Variants in RBFOX1 observed in about 807,000 individuals in gnomAD.
RBFOX1 encodes the protein RNA binding fox-1 homolog 1, also known as RNA binding protein fox-1 homolog 1.
RBFOX1 carries 8 observed loss-of-function variants against 57.7 expected under a neutral mutation model. The observed-to-expected ratio is 0.14, with a 90% CI of 0.08 to 0.25. The LOEUF (loss-of-function observed/expected upper bound fraction) is 0.25, where lower values mean the gene tolerates loss of function less well. Among genes scored for constraint, RBFOX1 ranks in the 10% least tolerant of loss-of-function variants. RBFOX1 has a pLI of 1.00. For synonymous variants in RBFOX1, 326 were observed against 222.4 expected (o/e 1.47, Z -4.15); for missense variants, 611 against 548.5 (o/e 1.11, Z -1.14).
intron 4 of RBFOX1, among the ~76,000 whole-genome samples, chr16:7,239,760 C>T (rs1400102606): frequency 6.6e-6 from 1 of 152,024 alleles, no homozygotes; most frequent in Non-Finnish European, 1.5e-5. Flanking sequence ...TTCTTTGAAT[C>T]AGCAGTAACT....
At chr16:6,209,916 A>C (rs554535379) in intron 1 of RBFOX1, among the ~76,000 whole-genome samples, 10 of 152,300 alleles carry the variant, frequency 6.6e-5, no homozygotes, top group African/African-American at 2.4e-4. Context: ...ATCTGCTGCT[A>C]TTATTGGTGA....
At chr16:7,148,625 C>G (rs765965298) in intron 4 of RBFOX1, among the ~76,000 whole-genome samples, 1 of 152,178 alleles carries the variant, frequency 6.6e-6, no homozygotes, top group Non-Finnish European at 1.5e-5. Context: ...TTCCCTTGTA[C>G]TTGTGATAAA....
chr16:7,622,898 C>A (rs2059528265), intron 10 of RBFOX1, among the ~76,000 whole-genome samples: 1 of 152,208 alleles, frequency 6.6e-6, no homozygotes, highest in Non-Finnish European at 1.5e-5. Context: ...TAGGGATTAA[C>A]TGTGAAAATA....
intron 4 of RBFOX1, among the ~76,000 whole-genome samples, chr16:7,055,192 G>C (rs533474391): frequency 2.6e-5 from 4 of 152,206 alleles, no homozygotes; most frequent in African/African-American, 9.6e-5. Flanking sequence ...TTGCAAAAAT[G>C]AAATACAAAG....
intron 1 of RBFOX1, among the ~76,000 whole-genome samples, chr16:6,268,633 G>A (rs545374693): frequency 3.3e-4 from 50 of 152,202 alleles, no homozygotes; most frequent in Non-Finnish European, 6.3e-4. Flanking sequence ...AATATGCATC[G>A]AACAGTTATT....
Position 6,659,278 on chromosome 16 carries a change from C to T in RBFOX1, c.-16+4628C>T, listed in dbSNP as rs1215255437. Among the ~76,000 whole-genome samples the T allele has an allele frequency of 2.6e-5, 4 of 152,162 alleles. 1 individual carries two copies. Among genetic ancestry groups the T allele is most frequent in the South Asian group, 4.2e-4 (2 of 4,818 alleles). On this transcript the variant is annotated intron_variant, in intron 3 of 15. Coordinates refer to ENST00000550418, the MANE Select transcript of RBFOX1 (RefSeq NM_018723.4). ...GACAGGGCTTCCTCTTCTCACTTAT[C>T]GCCTGGCCTGGTGCAGCTAAACAGT...
At chr16:6,317,933 A>G (rs1257806203) in intron 2 of RBFOX1, among the ~76,000 whole-genome samples, 6 of 152,194 alleles carry the variant, frequency 3.9e-5, no homozygotes, top group East Asian at 1.9e-4. Flanking sequence ...AGCAGGTTCT[A>G]CTTCTGAAAG....
At chr16:7,152,091 A>T (rs1302659210) in intron 4 of RBFOX1, among the ~76,000 whole-genome samples, 1 of 152,140 alleles carries the variant, frequency 6.6e-6, no homozygotes, top group Non-Finnish European at 1.5e-5. Context: ...AGCAAAGCAA[A>T]ACCTTCTCAC....
At chr16:6,822,275 C>T (rs557442342) in intron 3 of RBFOX1, among the ~76,000 whole-genome samples, 71 of 152,110 alleles carry the variant, frequency 4.7e-4, no homozygotes, top group Non-Finnish European at 6.8e-4. Flanking sequence ...CACTTTCTGC[C>T]TTTTCCATTC....
chr16:7,102,693 T>A (rs576744380), intron 4 of RBFOX1, among the ~76,000 whole-genome samples: 1 of 152,186 alleles, frequency 6.6e-6, no homozygotes, highest in Non-Finnish European at 1.5e-5. Context: ...CACCAGCATG[T>A]GATAGTTTAT....
intron 3 of RBFOX1, among the ~76,000 whole-genome samples, chr16:7,035,699 C>G (rs1316967648): frequency 1.3e-5 from 2 of 152,236 alleles, no homozygotes; most frequent in East Asian, 3.9e-4. Flanking sequence ...GCCAGGTGAC[C>G]TAGATTTTCC....
At chr16:6,911,944 G>T (rs2071731151) in intron 3 of RBFOX1, among the ~76,000 whole-genome samples, 1 of 152,170 alleles carries the variant, frequency 6.6e-6, no homozygotes, top group African/African-American at 2.4e-5. Flanking sequence ...GCAATACTTG[G>T]TTCACCAATC....
At chr16:7,092,853 G>C (rs2061089808) in intron 4 of RBFOX1, among the ~76,000 whole-genome samples, 2 of 152,154 alleles carry the variant, frequency 1.3e-5, no homozygotes, top group Non-Finnish European at 1.5e-5. Context: ...CGAAGGCTGG[G>C]ACATCCGCCT....
chr16:7,581,347 G>C (rs957410977), intron 6 of RBFOX1, among the ~76,000 whole-genome samples: 8 of 152,178 alleles, frequency 5.3e-5, no homozygotes, highest in African/African-American at 1.9e-4. Context: ...TTAAGTGTGT[G>C]TGAGGCAGTA....
At chr16:6,330,396 G>A (rs751614261) in intron 2 of RBFOX1, among the ~76,000 whole-genome samples, 10 of 152,206 alleles carry the variant, frequency 6.6e-5, no homozygotes, top group Non-Finnish European at 1.0e-4. Flanking sequence ...GTAGTACTGA[G>A]CTCAAAGTCA....
At chr16:7,353,423 A>G (rs545630562) in intron 4 of RBFOX1, among the ~76,000 whole-genome samples, 13 of 152,298 alleles carry the variant, frequency 8.5e-5, no homozygotes, top group African/African-American at 2.9e-4. Flanking sequence ...TAAAAAAATT[A>G]CTCAGTTATT....
chr16:7,668,965 A>T (rs2070427399), intron 13 of RBFOX1, among the ~76,000 whole-genome samples: 1 of 152,166 alleles, frequency 6.6e-6, no homozygotes, highest in Admixed American at 6.5e-5. Flanking sequence ...GCACAGTAGC[A>T]CGATCTCAGC....
At chr16:5,442,880 T>C (rs1456761409) in intron 1 of RBFOX1, among the ~76,000 whole-genome samples, 3 of 152,192 alleles carry the variant, frequency 2.0e-5, no homozygotes, top group Non-Finnish European at 4.4e-5. Flanking sequence ...GCTTAGAATT[T>C]TGAGATGACC....
Position 6,371,894 on chromosome 16 carries a change from T to C in RBFOX1, c.-64+54837T>C, listed in dbSNP as rs150249975. On this transcript the variant is annotated intron_variant, in intron 2 of 15. Transcript: ENST00000550418. ...TCTGATATCACTTGTTATTACGAGT[T>C]ATCTTTTATCTGTCTGTTAGGCTGT... Among the ~76,000 whole-genome samples, 375 of 152,340 alleles carry C rather than the reference T, an allele frequency of 2.5e-3. 3 individuals carry two copies. Among genetic ancestry groups the C allele is most frequent in the African/African-American group, 8.2e-3 (342 of 41,576 alleles).
Sources: gnomAD v4.1 joint callset for allele counts (sites outside exome capture counted in the v4.1 genomes callset) on GRCh38, gnomAD v4.1.1 for gene constraint, MANE v1.5 for transcripts, NCBI Gene and HGNC (gene_info 2026-07-23, HGNC 2026-07-21) for gene names.